NAALADL2: variants seen among roughly 807,000 people sequenced by gnomAD.
The protein encoded by NAALADL2 is N-acetylated alpha-linked acidic dipeptidase like 2, also known as inactive N-acetylated-alpha-linked acidic dipeptidase-like protein 2.
In NAALADL2, 76 loss-of-function variants were observed where a neutral mutation model predicts 87.2. The observed-to-expected ratio is 0.87, with a 90% confidence interval of 0.72 to 1.05. The LOEUF is 1.05. Among genes scored for constraint, NAALADL2 ranks in the 50% least tolerant of loss-of-function variants. The pLI is 0.00. For synonymous variants in NAALADL2, 354 were observed against 331.0 expected, an observed-to-expected ratio of 1.07 and a Z score of -0.75; for missense variants, 1,089 against 945.8, an observed-to-expected ratio of 1.15 and a Z score of -1.99.
chr3:174,490,238 T>A (rs1216920707), intron 1 of NAALADL2, among the ~76,000 whole-genome samples: 3 of 152,060 alleles, frequency 2.0e-5, no homozygotes, highest in Non-Finnish European at 4.4e-5. Flanking sequence ...AAAAATGAAG[T>A]ATTGATACGT....
At chr3:174,556,394 G>A (rs938121609) in intron 2 of NAALADL2, among the ~76,000 whole-genome samples, 9 of 151,844 alleles carry the variant, frequency 5.9e-5, no homozygotes, top group African/African-American at 2.2e-4. Flanking sequence ...GATTTTCGAC[G>A]TATTAATCTT....
In NAALADL2 at chr3:175,786,340, A is replaced by T. The variant is rs551391969; in HGVS notation, c.2190-16665A>T. Among the ~76,000 whole-genome samples the T allele has an allele frequency of 1.2e-4, 18 of 152,300 alleles. No individual in the cohort carries two copies. The East Asian group carries it at 3.5e-3, about 29-fold the overall frequency. On this transcript the variant is annotated intron_variant, in intron 13 of 13. Coordinates refer to ENST00000454872, the MANE Select transcript of NAALADL2 (RefSeq NM_207015.3). ...CTCCCCATCACTTTCAGGTACACCA[A>T]TGAGATGTAGATTTGGTCTTTTCAC...
At chr3:174,815,949 C>G (rs1226643917) in intron 3 of NAALADL2, among the ~76,000 whole-genome samples, 1 of 147,772 alleles carries the variant, frequency 6.8e-6, no homozygotes, top group Non-Finnish European at 1.5e-5. Flanking sequence ...CAAACACAGT[C>G]ATACTTGGAG....
At chr3:174,755,567 C>T (rs1304464829) in intron 3 of NAALADL2, among the ~76,000 whole-genome samples, 5 of 152,100 alleles carry the variant, frequency 3.3e-5, no homozygotes, top group Admixed American at 2.0e-4. Context: ...ATATAGCTTG[C>T]CTTTTGAATA....
At chr3:174,794,168 A>C in intron 3 of NAALADL2, among the ~76,000 whole-genome samples, 1 of 152,022 alleles carries the variant, frequency 6.6e-6, no homozygotes, top group East Asian at 1.9e-4. Flanking sequence ...ACTTTATGAG[A>C]CTTTTAAATA....
intron 5 of NAALADL2, among the ~76,000 whole-genome samples, chr3:175,438,409 A>T (rs556183212): frequency 6.6e-6 from 1 of 152,244 alleles, no homozygotes; most frequent in African/African-American, 2.4e-5. Flanking sequence ...ATGAAAAAAC[A>T]TTTGTGCCAG....
intron 2 of NAALADL2, among the ~76,000 whole-genome samples, chr3:174,707,510 G>A (rs1241721205): frequency 2.0e-5 from 3 of 152,030 alleles, no homozygotes; most frequent in African/African-American, 4.8e-5. Flanking sequence ...CATGGATGAA[G>A]CTGGAAACCA....
At chr3:175,473,819 A>G (rs1016867575) in intron 9 of NAALADL2, among the ~76,000 whole-genome samples, 5 of 152,150 alleles carry the variant, frequency 3.3e-5, no homozygotes, top group Non-Finnish European at 5.9e-5. Context: ...AACATCCAGA[A>G]CATATGTAAC....
chr3:174,820,725 A>G lies in NAALADL2; in HGVS notation c.-9+82979A>G, dbSNP rs1348632237. 3.3e-5 allele frequency among the ~76,000 whole-genome samples: 5 copies of G among 152,326 alleles called. No homozygotes were observed. The East Asian group carries it at 9.6e-4, about 29-fold the overall frequency. On this transcript the variant is annotated intron_variant, in intron 3 of 3. Transcript: ENST00000434257. Reference sequence around the variant, plus strand: ...ATAATTAAAGAAGAAATCTAAGAATATGCAGCCAAGATGTAGGGAAAAGAG... The same window carrying G: ...ATAATTAAAGAAGAAATCTAAGAATGTGCAGCCAAGATGTAGGGAAAAGAG...
At chr3:175,712,498 A>G (rs754690091) in intron 11 of NAALADL2, among the ~76,000 whole-genome samples, 1 of 152,084 alleles carries the variant, frequency 6.6e-6, no homozygotes, top group Non-Finnish European at 1.5e-5. Context: ...CAACTGATAC[A>G]TAGTCAGAAA....
intron 3 of NAALADL2, among the ~76,000 whole-genome samples, chr3:175,255,135 C>T (rs1749703988): frequency 1.4e-5 from 2 of 146,348 alleles, no homozygotes; most frequent in African/African-American, 2.4e-5. Flanking sequence ...AGAGAGAGGC[C>T]ATATTTGGGC....
At chr3:175,350,264 A>G (rs1763620975) in intron 5 of NAALADL2, among the ~76,000 whole-genome samples, 1 of 152,226 alleles carries the variant, frequency 6.6e-6, no homozygotes, top group East Asian at 1.9e-4. Context: ...GTAAAAATAT[A>G]CTCCTGTTGC....
intron 3 of NAALADL2, among the ~76,000 whole-genome samples, chr3:174,836,262 T>G (rs1318990913): frequency 1.3e-5 from 2 of 152,124 alleles, no homozygotes; most frequent in African/African-American, 4.8e-5. Flanking sequence ...TGATTCCACT[T>G]ACATAGGTAC....
intron 1 of NAALADL2, among the ~76,000 whole-genome samples, chr3:174,473,356 G>T (rs938271372): frequency 2.6e-5 from 4 of 152,084 alleles, no homozygotes; most frequent in Non-Finnish European, 5.9e-5. Context: ...AAAGGATCGT[G>T]TATCTCCATA....
intron 3 of NAALADL2, among the ~76,000 whole-genome samples, chr3:174,775,334 T>C (rs1231373314): frequency 3.3e-5 from 5 of 152,064 alleles, no homozygotes; most frequent in Non-Finnish European, 5.9e-5. Flanking sequence ...ACCACTAATC[T>C]ACTTTCTGTC....
intron 9 of NAALADL2, among the ~76,000 whole-genome samples, chr3:175,505,927 C>G (rs747395593): frequency 1.3e-5 from 2 of 152,158 alleles, no homozygotes; most frequent in African/African-American, 4.8e-5. Flanking sequence ...GTTTCCTTCT[C>G]CTTCTGGGTT....
intron 3 of NAALADL2, among the ~76,000 whole-genome samples, chr3:174,777,938 TA>T (rs1356988492): frequency 2.6e-5 from 4 of 152,234 alleles, no homozygotes; most frequent in South Asian, 4.1e-4. Context: ...GAAAGTCATC[TA>T]AAAATGCACA....
At chr3:175,088,852 T>G (rs1013039436) in intron 1 of NAALADL2, among the ~76,000 whole-genome samples, 2 of 152,206 alleles carry the variant, frequency 1.3e-5, no homozygotes, top group African/African-American at 4.8e-5. Flanking sequence ...TGTTAACTCT[T>G]GACACACTTT....
intron 1 of NAALADL2, among the ~76,000 whole-genome samples, chr3:174,936,737 G>A (rs916936062): frequency 6.6e-5 from 10 of 152,038 alleles, no homozygotes; most frequent in Non-Finnish European, 1.3e-4. Flanking sequence ...TAAGCAAACC[G>A]ACAGTACTGA....
Sources: gnomAD v4.1 joint callset for allele counts (sites outside exome capture counted in the v4.1 genomes callset) on GRCh38, gnomAD v4.1.1 for gene constraint, MANE v1.5 for transcripts, NCBI Gene and HGNC (gene_info 2026-07-23, HGNC 2026-07-21) for gene names.